The following RBFOX1 variants were observed in gnomAD, a reference collection of about 807,000 sequenced individuals.
RBFOX1 encodes RNA binding protein fox-1 homolog 1.
In RBFOX1, 8 loss-of-function variants were observed where a neutral mutation model predicts 57.7. The observed-to-expected ratio is 0.14, with a 90% confidence interval of 0.08 to 0.25. RBFOX1 has a LOEUF of 0.25. Among genes scored for constraint, RBFOX1 ranks in the 10% least tolerant of loss-of-function variants. RBFOX1 has a pLI of 1.00. For synonymous variants in RBFOX1, 326 were observed against 222.4 expected (o/e 1.47, Z -4.15); for missense variants, 611 against 548.5 (o/e 1.11, Z -1.14).
intron 6 of RBFOX1, among the ~76,000 whole-genome samples, chr16:7,583,148 C>CTTTTTTTTT (rs34658435): frequency 7.6e-6 from 1 of 132,388 alleles, no homozygotes. Flanking sequence ...TCTAGCTCAT[C>CTTTTTTTTT]TTTTTTTTTT....
At chr16:6,982,065 A>G (rs1472382144) in intron 3 of RBFOX1, among the ~76,000 whole-genome samples, 2 of 152,170 alleles carry the variant, frequency 1.3e-5, no homozygotes, top group African/African-American at 4.8e-5. Flanking sequence ...GTTTTTCATG[A>G]TATACTCATG....
intron 2 of RBFOX1, among the ~76,000 whole-genome samples, chr16:6,642,304 G>T (rs942669930): frequency 6.6e-6 from 1 of 152,146 alleles, no homozygotes; most frequent in African/African-American, 2.4e-5. Context: ...AAACAAGTGC[G>T]ATTTACATCT....
chr16:6,709,605 T>C (rs2110342), intron 3 of RBFOX1, among the ~76,000 whole-genome samples: 66,085 of 152,032 alleles, frequency 0.43, 17,606 homozygotes, highest in Middle Eastern at 0.72. Flanking sequence ...TTTACATGAA[T>C]CTCCCATAAG....
intron 4 of RBFOX1, among the ~76,000 whole-genome samples, chr16:7,278,380 A>G (rs2095480601): frequency 6.6e-6 from 1 of 152,188 alleles, no homozygotes; most frequent in African/African-American, 2.4e-5. Flanking sequence ...TATCTACATA[A>G]AGATTCCTAT....
intron 4 of RBFOX1, among the ~76,000 whole-genome samples, chr16:7,270,032 T>A (rs1433252225): frequency 6.6e-6 from 1 of 152,202 alleles, no homozygotes; most frequent in Admixed American, 6.5e-5. Context: ...TAAACACATA[T>A]CATGCTCTTA....
At chr16:6,041,093 G>A (rs936090136) in intron 1 of RBFOX1, among the ~76,000 whole-genome samples, 4 of 152,088 alleles carry the variant, frequency 2.6e-5, no homozygotes, top group Non-Finnish European at 4.4e-5. Flanking sequence ...AAAGTCTCCT[G>A]TACTTCACTT....
chr16:5,287,830 C>G (rs2063435334), intron 1 of RBFOX1, among the ~76,000 whole-genome samples: 1 of 152,192 alleles, frequency 6.6e-6, no homozygotes, highest in Non-Finnish European at 1.5e-5. Flanking sequence ...GAAATATGCT[C>G]CGATTCTTCA....
At chr16:5,455,321 G>C (rs894000812) in intron 1 of RBFOX1, among the ~76,000 whole-genome samples, 16 of 152,042 alleles carry the variant, frequency 1.1e-4, no homozygotes, top group Admixed American at 3.9e-4. Flanking sequence ...AATTTCCCAA[G>C]AGACCAAGAC....
intron 3 of RBFOX1, among the ~76,000 whole-genome samples, chr16:6,752,402 A>G (rs1024198351): frequency 1.3e-5 from 2 of 152,188 alleles, no homozygotes; most frequent in African/African-American, 4.8e-5. Context: ...GAAGCAAGAA[A>G]TTGGCCACAA....
At chr16:7,052,583 A>G (rs1189879661) in intron 4 of RBFOX1, among the ~76,000 whole-genome samples, 5 of 152,120 alleles carry the variant, frequency 3.3e-5, no homozygotes, top group African/African-American at 7.2e-5. Context: ...ATTTGTGTAT[A>G]TGGGAGAGGG....
chr16:5,885,337 A>T (rs1474905733), intron 4 of RBFOX1, among the ~76,000 whole-genome samples: 5 of 151,014 alleles, frequency 3.3e-5, no homozygotes, highest in South Asian at 2.1e-4. Flanking sequence ...AAAAAAAAAA[A>T]CTCCAAATAC....
At chr16:7,022,395 G>T (rs1044068593) in intron 3 of RBFOX1, among the ~76,000 whole-genome samples, 4 of 151,840 alleles carry the variant, frequency 2.6e-5, no homozygotes, top group African/African-American at 9.7e-5. Flanking sequence ...GCTGGGATTC[G>T]AAGTCAGGTC....
intron 3 of RBFOX1, among the ~76,000 whole-genome samples, chr16:6,943,062 G>T (rs924022408): frequency 1.3e-5 from 2 of 152,286 alleles, no homozygotes; most frequent in African/African-American, 4.8e-5. Context: ...ATGCCTTTAC[G>T]TTAGATGCTG....
chr16:7,050,123 C>T (rs1047100993), intron 3 of RBFOX1, among the ~76,000 whole-genome samples: 2 of 150,124 alleles, frequency 1.3e-5, no homozygotes, highest in Non-Finnish European at 2.9e-5. Flanking sequence ...AATATAAAGT[C>T]ACCTATTTCA....
intron 4 of RBFOX1, among the ~76,000 whole-genome samples, chr16:5,915,911 T>G (rs1379749096): frequency 6.6e-6 from 1 of 152,190 alleles, no homozygotes; most frequent in Non-Finnish European, 1.5e-5. Flanking sequence ...TTAAAATTCA[T>G]GATGATCACA....
intron 3 of RBFOX1, among the ~76,000 whole-genome samples, chr16:7,050,499 C>G (rs2049671357): frequency 6.6e-6 from 1 of 152,066 alleles, no homozygotes; most frequent in South Asian, 2.1e-4. Flanking sequence ...TTCCTGACCT[C>G]ACATGATCCA....
In RBFOX1 at chr16:6,859,119, A is replaced by ATATATATATATATGTATATATATATATG. The variant is rs2058442693; in HGVS notation, c.-15-192928_-15-192927insTATGTATATATATATATGTATATATATA. On this transcript the variant is annotated intron_variant, in intron 3 of 15. Transcript: ENST00000550418. ...ATTGTCCTAAAAAAAGTGTATATAT[A>ATATATATATATATGTATATATATATATG]TATATATATACATATATATACGTAT... is the stretch of plus-strand genomic sequence containing the variant. Among the ~76,000 whole-genome samples the ATATATATATATATGTATATATATATATG allele has an allele frequency of 2.0e-3, 167 of 82,106 alleles. 2 individuals are homozygous for ATATATATATATATGTATATATATATATG. Among genetic ancestry groups the ATATATATATATATGTATATATATATATG allele is most frequent in the East Asian group, 0.013 (38 of 2,856 alleles). The allele number at this position is 82,106 out of a possible 152,430, so 53.9% of individuals were successfully genotyped here.
intron 3 of RBFOX1, among the ~76,000 whole-genome samples, chr16:7,001,279 C>T (rs758775769): frequency 6.6e-6 from 1 of 151,970 alleles, no homozygotes; most frequent in African/African-American, 2.4e-5. Flanking sequence ...TGGAGAGATT[C>T]CTTGCTTTGT....
rs979223006 is a variant in RBFOX1 at position 7,682,897 on chromosome 16, A to G, written c.995+6059A>G. ...TCCTTAGGAAGAAAAAGTGAAAGCAATTGTCCTAGACAGCTTTCGGGTAAC... is the reference window on the plus strand; with the variant it reads ...TCCTTAGGAAGAAAAAGTGAAAGCAGTTGTCCTAGACAGCTTTCGGGTAAC... On this transcript the variant is annotated intron_variant, in intron 14 of 15. Coordinates refer to ENST00000550418, the MANE Select transcript of RBFOX1 (RefSeq NM_018723.4). 3.4e-5 allele frequency among the ~76,000 whole-genome samples: 5 copies of G among 146,980 alleles called. No homozygotes were observed. The South Asian group carries it at 1.1e-3, about 33-fold the overall frequency.
Sources: gnomAD v4.1 joint callset for allele counts (sites outside exome capture counted in the v4.1 genomes callset) on GRCh38, gnomAD v4.1.1 for gene constraint, MANE v1.5 for transcripts, NCBI Gene and HGNC (gene_info 2026-07-23, HGNC 2026-07-21) for gene names.